Variants in NME7 observed in about 807,000 individuals in gnomAD.
NME7 encodes the protein NME/NM23 family member 7.
Under a neutral mutation model 49.1 loss-of-function variants are expected in NME7, and 41 were observed. The observed-to-expected ratio is 0.83, with a 90% CI of 0.65 to 1.08. The LOEUF (loss-of-function observed/expected upper bound fraction) is 1.08, where lower values mean the gene tolerates loss of function less well. NME7 is among the 50% of genes least tolerant of loss of function. The pLI, the probability that NME7 is intolerant of heterozygous loss-of-function variation, is 0.00. For synonymous variants in NME7, 139 were observed against 150.6 expected, an observed-to-expected ratio of 0.92 and a Z score of 0.56; for missense variants, 423 against 463.4, an observed-to-expected ratio of 0.91 and a Z score of 0.80.
At chr1:169,297,328 A>G (rs527925127) in intron 6 of NME7, among the ~76,000 whole-genome samples, 1 of 152,252 alleles carries the variant, frequency 6.6e-6, no homozygotes, top group South Asian at 2.1e-4. Context: ...TGGCAAGTGG[A>G]AGATATCAGT....
chr1:169,250,083 G>A (rs2101844344), intron 7 of NME7, among the ~76,000 whole-genome samples: 1 of 152,174 alleles, frequency 6.6e-6, no homozygotes, highest in Middle Eastern at 3.4e-3. Flanking sequence ...GGATTCAGTT[G>A]TGAATCCATG....
At chr1:169,352,325 A>C (rs1653206478) in intron 1 of NME7, among the ~76,000 whole-genome samples, 1 of 152,152 alleles carries the variant, frequency 6.6e-6, no homozygotes, top group African/African-American at 2.4e-5. Flanking sequence ...GTAGAACAGA[A>C]ACCATACAAT....
chr1:169,251,293 C>T (rs1648564825), intron 7 of NME7, among the ~76,000 whole-genome samples: 2 of 152,112 alleles, frequency 1.3e-5, no homozygotes, highest in East Asian at 1.9e-4. Context: ...AGACTACCTA[C>T]TCCTGCTCAC....
intron 10 of NME7, among the ~76,000 whole-genome samples, chr1:169,207,275 C>G (rs1660698492): frequency 6.6e-6 from 1 of 152,100 alleles, no homozygotes; most frequent in Non-Finnish European, 1.5e-5. Flanking sequence ...CAGTCATTAC[C>G]CTGAGGATGC....
intron 3 of NME7, among the ~76,000 whole-genome samples, chr1:169,320,441 G>A (rs1018310218): frequency 2.0e-5 from 3 of 152,044 alleles, no homozygotes; most frequent in Admixed American, 2.0e-4. Context: ...CCTCACTACA[G>A]GCTTTACTAT....
chr1:169,227,427 A>G (rs1167861673), intron 10 of NME7, among the ~76,000 whole-genome samples: 1 of 152,168 alleles, frequency 6.6e-6, no homozygotes, highest in Non-Finnish European at 1.5e-5. Context: ...TTTTGCTACA[A>G]TATCTGAGAC....
In NME7 at chr1:169,232,912, C is replaced by CT. The variant is rs10545228; in HGVS notation, c.889-2094dup. Among the ~76,000 whole-genome samples the CT allele has an allele frequency of 5.8e-3, 431 of 74,496 alleles. 17 individuals are homozygous for CT. The highest frequency in any genetic ancestry group is 0.049 in the East Asian group (113 of 2,328). 48.9% of individuals were successfully genotyped at this position (74,496 alleles called of 152,430 possible). A position where few individuals can be genotyped will look rare whatever the true frequency, so the allele number is the denominator to read the frequency against. On this transcript the variant is annotated intron_variant, in intron 9 of 11. Transcript: ENST00000367811. Reference sequence around the variant, plus strand: ...TTTTTCCTTTCTGTTGTTTTCTTTTCTTTTTTTTTTTTTTTTTTTTTTTTT... The same window carrying CT: ...TTTTTCCTTTCTGTTGTTTTCTTTTCTTTTTTTTTTTTTTTTTTTTTTTTTT...
chr1:169,301,689 T>C (rs1334501878), intron 5 of NME7, among the ~76,000 whole-genome samples: 1 of 151,378 alleles, frequency 6.6e-6, no homozygotes, highest in African/African-American at 2.4e-5. Flanking sequence ...CAGTGGCAGA[T>C]TGGATAAAGA....
chr1:169,141,800 T>C (rs547356688), intron 11 of NME7, among the ~76,000 whole-genome samples: 1 of 152,190 alleles, frequency 6.6e-6, no homozygotes, highest in African/African-American at 2.4e-5. Flanking sequence ...AGCTCTTAGA[T>C]TGGATAAAAG....
At chr1:169,316,099 T>C (rs1651615201) in intron 3 of NME7, among the ~76,000 whole-genome samples, 1 of 151,966 alleles carries the variant, frequency 6.6e-6, no homozygotes, top group Admixed American at 6.6e-5. Context: ...AGAGAAAATA[T>C]TCTAAAAGGA....
chr1:169,224,032 T>C (rs764705864), intron 10 of NME7, among the ~76,000 whole-genome samples: 13 of 152,298 alleles, frequency 8.5e-5, no homozygotes, highest in Middle Eastern at 3.4e-3. Flanking sequence ...TTCTACCACA[T>C]ATAACCAACC....
chr1:169,335,455 C>T (rs547810007), intron 1 of NME7, among the ~76,000 whole-genome samples: 29 of 151,770 alleles, frequency 1.9e-4, no homozygotes, highest in South Asian at 1.0e-3. Flanking sequence ...AACTAGCACA[C>T]GAACAGAAAA....
Position 169,258,411 on chromosome 1 carries a change from CACACACACACACAT to C in NME7, c.755-20738_755-20725del, listed in dbSNP as rs1177137744. ...ATATATATATATATATATATACACA[CACACACACACACAT>C]ACACACACACATATATCTTCTCATT... On this transcript the variant is annotated intron_variant, in intron 7 of 11. Transcript: ENST00000367811. Among the ~76,000 whole-genome samples, 884 of 98,720 alleles carry C rather than the reference CACACACACACACAT, an allele frequency of 9.0e-3. 96 individuals carry two copies. Among genetic ancestry groups the C allele is most frequent in the African/African-American group, 0.03 (842 of 27,854 alleles). 64.8% of individuals were successfully genotyped at this position (98,720 alleles called of 152,430 possible). A position where few individuals can be genotyped will look rare whatever the true frequency, so the allele number is the denominator to read the frequency against.
chr1:169,349,533 A>G (rs933011544), intron 1 of NME7, among the ~76,000 whole-genome samples: 2 of 152,230 alleles, frequency 1.3e-5, no homozygotes, highest in Non-Finnish European at 2.9e-5. Flanking sequence ...AACAAATTAC[A>G]TAACAGTATC....
chr1:169,287,510 T>G (rs1402304084), intron 6 of NME7, 102 bp from the exon 7 acceptor site: 6 of 845,542 alleles, frequency 7.1e-6, no homozygotes, highest in Non-Finnish European at 1.1e-5. Context: ...TTTTAGAGTT[T>G]CATCATATAA....
At position 169,317,472 on chromosome 1, in the gene NME7, T is replaced by C. The variant is rs528579284; in HGVS notation, c.278+5645A>G. ...ATCGTATAATCAATAGCATGCCATC[T>C]TAGACAACGATACTATAGATAAGTA... On this transcript the variant is annotated intron_variant, in intron 3 of 11. Coordinates refer to ENST00000367811, the MANE Select transcript of NME7 (RefSeq NM_013330.5). 8.8e-4 allele frequency among the ~76,000 whole-genome samples: 134 copies of C among 152,358 alleles called. 1 individual carries two copies. The highest frequency in any genetic ancestry group is 3.2e-3 in the African/African-American group (131 of 41,586).
At chr1:169,158,051 T>C (rs1557966253) in intron 11 of NME7, among the ~76,000 whole-genome samples, 1 of 152,202 alleles carries the variant, frequency 6.6e-6, no homozygotes, top group Non-Finnish European at 1.5e-5. Flanking sequence ...TAAAAAAGTC[T>C]GGTGTGCCCC....
At chr1:169,154,903 A>C (rs966535837) in intron 11 of NME7, among the ~76,000 whole-genome samples, 3 of 151,942 alleles carry the variant, frequency 2.0e-5, no homozygotes, top group Admixed American at 2.0e-4. Context: ...AGAATACTCT[A>C]TTTCTCCAAA....
At chr1:169,239,933 A>G (rs1438592040) in intron 7 of NME7, among the ~76,000 whole-genome samples, 1 of 152,032 alleles carries the variant, frequency 6.6e-6, no homozygotes, top group African/African-American at 2.4e-5. Context: ...CTTATGGACC[A>G]TATACAGAGG....
Sources: gnomAD v4.1 joint callset for allele counts (sites outside exome capture counted in the v4.1 genomes callset) on GRCh38, gnomAD v4.1.1 for gene constraint, MANE v1.5 for transcripts, NCBI Gene and HGNC (gene_info 2026-07-23, HGNC 2026-07-21) for gene names.